CSMD3: variants seen among roughly 807,000 people sequenced by gnomAD.
The protein encoded by CSMD3 is CUB and sushi domain-containing protein 3.
Under a neutral mutation model 435.2 loss-of-function variants are expected in CSMD3, and 177 were observed. The observed-to-expected ratio is 0.41, with a 90% CI of 0.36 to 0.46. The LOEUF (loss-of-function observed/expected upper bound fraction) is 0.46, where lower values mean the gene tolerates loss of function less well. CSMD3 is among the 20% of genes least tolerant of loss of function. CSMD3 has a pLI of 0.34. For missense variants in CSMD3, 4,265 were observed against 4,504.6 expected (o/e 0.95, Z 1.52); for synonymous variants, 1,656 against 1,520.5 (o/e 1.09, Z -2.07).
At chr8:112,821,853 C>T (rs1358300630) in intron 12 of CSMD3, among the ~76,000 whole-genome samples, 1 of 152,166 alleles carries the variant, frequency 6.6e-6, no homozygotes, top group Non-Finnish European at 1.5e-5. Context: ...GGTCCAGTTT[C>T]AGTTTTCTGC....
intron 10 of CSMD3, among the ~76,000 whole-genome samples, chr8:112,920,997 GCACACACACACACACACA>G (rs747366512): frequency 8.7e-6 from 1 of 114,966 alleles, no homozygotes; most frequent in African/African-American, 3.0e-5. Context: ...ACGCGCGCGC[GCACACACACACACACACA>G]CACACACACA....
intron 4 of CSMD3, among the ~76,000 whole-genome samples, chr8:113,132,689 C>T (rs1220446859): frequency 2.0e-5 from 3 of 151,974 alleles, no homozygotes; most frequent in Admixed American, 6.6e-5. Context: ...CGAACTAATA[C>T]AGAAGCTTTC....
intron 4 of CSMD3, among the ~76,000 whole-genome samples, chr8:113,136,365 A>C (rs566290044): frequency 2.0e-5 from 3 of 151,918 alleles, no homozygotes; most frequent in Admixed American, 6.6e-5. Flanking sequence ...AAATTTGAAC[A>C]GCTAACTTTG....
chr8:112,878,294 C>T (rs2081346884), intron 10 of CSMD3, among the ~76,000 whole-genome samples: 1 of 152,142 alleles, frequency 6.6e-6, no homozygotes, highest in African/African-American at 2.4e-5. Context: ...GACATGTATG[C>T]AGCCAACAAA....
chr8:112,579,467 A>C (rs1830182784), intron 23 of CSMD3, among the ~76,000 whole-genome samples: 1 of 152,092 alleles, frequency 6.6e-6, no homozygotes, highest in African/African-American at 2.4e-5. Flanking sequence ...TACAATATAC[A>C]TAAATAACCT....
chr8:112,247,216 T>C, intron 63 of CSMD3, 85 bp from the exon 64 acceptor site: 1 of 807,336 alleles, frequency 1.2e-6, no homozygotes, highest in Non-Finnish European at 2.1e-6. Flanking sequence ...GAAAATGTTA[T>C]CAAGTGAAAT....
intron 13 of CSMD3, among the ~76,000 whole-genome samples, chr8:112,738,877 T>C (rs182467144): frequency 3.8e-4 from 57 of 151,856 alleles, no homozygotes; most frequent in African/African-American, 1.3e-3. Context: ...TATTGCAGAA[T>C]TCTGGACAGT....
intron 3 of CSMD3, among the ~76,000 whole-genome samples, chr8:113,250,891 T>A (rs186509005): frequency 1.8e-4 from 28 of 152,224 alleles, no homozygotes; most frequent in African/African-American, 6.5e-4. Flanking sequence ...GACAGCCATA[T>A]TTATGAATAG....
intron 7 of CSMD3, among the ~76,000 whole-genome samples, chr8:112,957,823 G>A (rs896123295): frequency 1.3e-5 from 2 of 152,186 alleles, no homozygotes; most frequent in African/African-American, 4.8e-5. Context: ...TCGGCTCACT[G>A]CAACCTCCGC....
chr8:112,852,371 T>C (rs908620590), intron 11 of CSMD3, among the ~76,000 whole-genome samples: 4 of 152,068 alleles, frequency 2.6e-5, no homozygotes, highest in Non-Finnish European at 5.9e-5. Flanking sequence ...TTATACTTAA[T>C]TGAAAAAAGT....
At chr8:112,473,027 TA>T (rs1818682640) in intron 31 of CSMD3, among the ~76,000 whole-genome samples, 1 of 152,194 alleles carries the variant, frequency 6.6e-6, no homozygotes, top group South Asian at 2.1e-4. Flanking sequence ...ATAATAATGA[TA>T]AAATACATAT....
At chr8:113,303,401 G>C (rs1252582078) in intron 2 of CSMD3, among the ~76,000 whole-genome samples, 5 of 151,480 alleles carry the variant, frequency 3.3e-5, no homozygotes, top group Non-Finnish European at 7.4e-5. Flanking sequence ...CACAGAATTG[G>C]AAAAAACTAC....
At chr8:112,648,780 C>T (rs1356275701) in intron 19 of CSMD3, among the ~76,000 whole-genome samples, 1 of 152,124 alleles carries the variant, frequency 6.6e-6, no homozygotes, top group Non-Finnish European at 1.5e-5. Flanking sequence ...GGTGAATGCT[C>T]CTCATTCAGG....
At chr8:112,291,208 T>C (rs1819729740) in intron 56 of CSMD3, among the ~76,000 whole-genome samples, 1 of 151,880 alleles carries the variant, frequency 6.6e-6, no homozygotes, top group Non-Finnish European at 1.5e-5. Flanking sequence ...AATAAAAGTG[T>C]AGTTGCCTCT....
chr8:112,321,660 A>G (rs1362880039), intron 45 of CSMD3, among the ~76,000 whole-genome samples: 2 of 152,142 alleles, frequency 1.3e-5, no homozygotes, highest in Non-Finnish European at 2.9e-5. Flanking sequence ...TACAGTGATG[A>G]AACAACCAAA....
intron 32 of CSMD3, among the ~76,000 whole-genome samples, chr8:112,410,616 G>GTATATACATACATATGTA (rs1832277214): frequency 3.0e-5 from 2 of 67,590 alleles, no homozygotes; most frequent in Admixed American, 3.7e-4. Context: ...ATATATATAT[G>GTATATACATACATATGTA]TATATATATG....
chr8:112,426,349 C>T (rs1405742086), intron 32 of CSMD3, among the ~76,000 whole-genome samples: 1 of 151,870 alleles, frequency 6.6e-6, no homozygotes, highest in Non-Finnish European at 1.5e-5. Context: ...TTCATCAAAG[C>T]AACTAAATAT....
intron 56 of CSMD3, among the ~76,000 whole-genome samples, chr8:112,291,004 A>G (rs1437360515): frequency 9.9e-5 from 15 of 152,038 alleles, no homozygotes; most frequent in Non-Finnish European, 2.2e-4. Flanking sequence ...TGCACTTATT[A>G]GATATTCACT....
At chr8:113,373,214 T>C (rs2094358050) in intron 1 of CSMD3, among the ~76,000 whole-genome samples, 1 of 152,110 alleles carries the variant, frequency 6.6e-6, no homozygotes, top group Non-Finnish European at 1.5e-5. Flanking sequence ...TATTCTGTGC[T>C]TTCATATGTA....
Sources: gnomAD v4.1 joint callset for allele counts (sites outside exome capture counted in the v4.1 genomes callset) on GRCh38, gnomAD v4.1.1 for gene constraint, MANE v1.5 for transcripts, NCBI Gene and HGNC (gene_info 2026-07-23, HGNC 2026-07-21) for gene names.